The following CPQ variants were observed in gnomAD, a reference collection of about 807,000 sequenced individuals.
The protein encoded by CPQ is Ser-Met dipeptidase.
In CPQ, 37 loss-of-function variants were observed where a neutral mutation model predicts 45.7. The ratio of observed to expected loss-of-function variants is 0.81; its 90% CI spans 0.62 to 1.07. The LOEUF (loss-of-function observed/expected upper bound fraction) is 1.07. CPQ is among the 50% of genes least tolerant of loss of function. The probability of loss-of-function intolerance (pLI) is 0.00; values close to 1 mark genes in which losing one functional copy is unlikely to be tolerated. For synonymous variants in CPQ, 186 were observed against 205.8 expected (o/e 0.90, Z 0.82); for missense variants, 537 against 572.9 (o/e 0.94, Z 0.64).
At chr8:96,669,579 C>G (rs763105230) in intron 1 of CPQ, among the ~76,000 whole-genome samples, 21 of 151,696 alleles carry the variant, frequency 1.4e-4, no homozygotes, top group Non-Finnish European at 2.6e-4. Context: ...GGAAAAAAAA[C>G]CTAGAGAAAC....
At chr8:96,777,290 T>C (rs1009055809) in intron 1 of CPQ, among the ~76,000 whole-genome samples, 4 of 152,062 alleles carry the variant, frequency 2.6e-5, no homozygotes, top group Non-Finnish European at 4.4e-5. Flanking sequence ...GAAGGAAGTA[T>C]TCCCCAAGGT....
intron 3 of CPQ, among the ~76,000 whole-genome samples, chr8:96,864,737 G>A (rs1355998895): frequency 6.6e-6 from 1 of 151,962 alleles, no homozygotes; most frequent in African/African-American, 2.4e-5. Flanking sequence ...ATTTAAAAAT[G>A]TATCCTAAAT....
At chr8:97,053,940 A>C (rs1810406473) in intron 6 of CPQ, among the ~76,000 whole-genome samples, 2 of 152,076 alleles carry the variant, frequency 1.3e-5, no homozygotes, top group African/African-American at 2.4e-5. Context: ...GTATGAGAGA[A>C]ATAGAGGAGT....
At chr8:97,119,316 G>T (rs1811654070) in intron 7 of CPQ, among the ~76,000 whole-genome samples, 3 of 123,656 alleles carry the variant, frequency 2.4e-5, no homozygotes, top group Middle Eastern at 5.7e-3. Flanking sequence ...ACGACAGAGT[G>T]AGACTCCATC....
chr8:96,994,766 C>T (rs1475713021), intron 5 of CPQ, among the ~76,000 whole-genome samples: 1 of 151,976 alleles, frequency 6.6e-6, no homozygotes, highest in Non-Finnish European at 1.5e-5. Flanking sequence ...TTGATAGTAC[C>T]CCGTTTCAAT....
At chr8:96,933,310 T>C (rs1812998181) in intron 4 of CPQ, among the ~76,000 whole-genome samples, 1 of 152,176 alleles carries the variant, frequency 6.6e-6, no homozygotes, top group South Asian at 2.1e-4. Context: ...GCTGCTCTTC[T>C]CAGCAGCCCA....
chr8:96,656,745 A>T (rs577207400), intron 1 of CPQ, among the ~76,000 whole-genome samples: 4 of 152,262 alleles, frequency 2.6e-5, no homozygotes, highest in African/African-American at 9.6e-5. Flanking sequence ...CCTTCTCATC[A>T]TGTTTCTGTG....
Position 96,787,525 on chromosome 8 carries a change from CTTTTTTTTTTTTTTT to C in CPQ, c.433+2211_433+2225del, listed in dbSNP as rs71267281. 3.6e-3 allele frequency among the ~76,000 whole-genome samples: 170 copies of C among 47,596 alleles called. 6 individuals carry two copies. The South Asian group carries it at 0.059, about 17-fold the overall frequency. 31.2% of individuals were successfully genotyped at this position (47,596 alleles called of 152,430 possible). A position where few individuals can be genotyped will look rare whatever the true frequency, so the allele number is the denominator to read the frequency against. On this transcript the variant is annotated intron_variant, in intron 2 of 7. Coordinates refer to ENST00000220763, the MANE Select transcript of CPQ (RefSeq NM_016134.4). Reference sequence around the variant, plus strand: ...TTGTAGTTTCATTTTCTTATAATGTCTTTTTTTTTTTTTTTTTTTTTTTTTTTTTTGTATCAGAGT... The same window carrying C: ...TTGTAGTTTCATTTTCTTATAATGTCTTTTTTTTTTTTTTTGTATCAGAGT...
chr8:96,723,363 CACTT>C (rs1281775081), intron 1 of CPQ, among the ~76,000 whole-genome samples: 1 of 152,098 alleles, frequency 6.6e-6, no homozygotes, highest in Non-Finnish European at 1.5e-5. Flanking sequence ...CTTTTATAAA[CACTT>C]ACATGGAGAC....
chr8:97,081,892 C>T (rs2130552583), intron 7 of CPQ, among the ~76,000 whole-genome samples: 1 of 152,148 alleles, frequency 6.6e-6, no homozygotes, highest in South Asian at 2.1e-4. Context: ...TCAATTTCTT[C>T]CTAAATAAAA....
At chr8:97,134,354 C>G (rs565844770) in intron 7 of CPQ, among the ~76,000 whole-genome samples, 2 of 152,284 alleles carry the variant, frequency 1.3e-5, no homozygotes, top group Non-Finnish European at 2.9e-5. Flanking sequence ...GAAAAAGAAG[C>G]AGCAGCATGA....
intron 6 of CPQ, among the ~76,000 whole-genome samples, chr8:97,042,915 C>T (rs1810156937): frequency 1.3e-5 from 2 of 152,190 alleles, no homozygotes; most frequent in South Asian, 4.2e-4. Flanking sequence ...ACTATGTGGT[C>T]AATTTTTGAA....
chr8:97,030,347 AT>A (rs1270232192), intron 6 of CPQ, among the ~76,000 whole-genome samples: 1 of 151,752 alleles, frequency 6.6e-6, no homozygotes, highest in Non-Finnish European at 1.5e-5. Context: ...TCTTTTGTGA[AT>A]TGTGTGTATG....
intron 7 of CPQ, among the ~76,000 whole-genome samples, chr8:97,125,835 T>C (rs1811837661): frequency 6.6e-6 from 1 of 152,228 alleles, no homozygotes; most frequent in Admixed American, 6.5e-5. Context: ...TCACCACTTC[T>C]ATTTAAACAT....
chr8:96,827,207 G>A (rs1181481283), intron 2 of CPQ, among the ~76,000 whole-genome samples: 1 of 152,012 alleles, frequency 6.6e-6, no homozygotes, highest in Middle Eastern at 3.2e-3. Flanking sequence ...TGGAACATAT[G>A]TCATAGGTCT....
chr8:96,992,394 A>G (rs1293973435), intron 5 of CPQ, among the ~76,000 whole-genome samples: 9 of 152,182 alleles, frequency 5.9e-5, no homozygotes, highest in Non-Finnish European at 1.3e-4. Flanking sequence ...GTAGTTGACA[A>G]TCTAGCTACA....
At chr8:97,015,041 C>T (rs1809555689) in intron 5 of CPQ, among the ~76,000 whole-genome samples, 1 of 152,060 alleles carries the variant, frequency 6.6e-6, no homozygotes, top group South Asian at 2.1e-4. Flanking sequence ...GTTGTTTTTC[C>T]TCACACAGCT....
chr8:96,847,555 G>A (rs1811712490), intron 3 of CPQ, among the ~76,000 whole-genome samples: 1 of 152,118 alleles, frequency 6.6e-6, no homozygotes. Context: ...GCACTGGAAG[G>A]AATACTCTTT....
chr8:96,913,711 A>T (rs1812696758), intron 4 of CPQ, among the ~76,000 whole-genome samples: 1 of 152,146 alleles, frequency 6.6e-6, no homozygotes, highest in Non-Finnish European at 1.5e-5. Flanking sequence ...AGTTTATGGG[A>T]AGCTATTTTG....
Sources: allele counts gnomAD v4.1 joint callset (sites outside exome capture counted in the v4.1 genomes callset), GRCh38; gene constraint gnomAD v4.1.1; transcripts MANE v1.5; gene names NCBI Gene and HGNC (gene_info 2026-07-23, HGNC 2026-07-21).